The following THSD7A variants were observed in gnomAD, a reference collection of about 807,000 sequenced individuals.
THSD7A encodes the protein thrombospondin type-1 domain-containing protein 7A.
In THSD7A, 96 loss-of-function variants were observed where a neutral mutation model predicts 231.3. The ratio of observed to expected loss-of-function variants is 0.41; its 90% CI spans 0.35 to 0.49. The LOEUF (loss-of-function observed/expected upper bound fraction) is 0.49, where lower values mean the gene tolerates loss of function less well. Ranked by LOEUF, THSD7A falls within the 20% of genes least tolerant of loss-of-function variation. The probability of loss-of-function intolerance (pLI) is 0.05; values close to 1 mark genes in which losing one functional copy is unlikely to be tolerated. For synonymous variants in THSD7A, 940 were observed against 743.3 expected (o/e 1.26, Z -4.30); for missense variants, 2,290 against 2,070.2 (o/e 1.11, Z -2.06).
At chr7:11,499,550 C>T (rs1562659873) in intron 6 of THSD7A, among the ~76,000 whole-genome samples, 3 of 152,042 alleles carry the variant, frequency 2.0e-5, no homozygotes, top group South Asian at 2.1e-4. Flanking sequence ...ATGGCAAACC[C>T]CAATCCAAGG....
rs558970578 is a variant in THSD7A, at chr7:11,555,503, T to C, written c.1454-12386A>G. On this transcript the variant is annotated intron_variant, in intron 4 of 27. Coordinates refer to ENST00000423059, the MANE Select transcript of THSD7A (RefSeq NM_015204.3). ...GATGATGACATGGTCTATTTTGGTA[T>C]ATGTTTCACTTGAAAGAAGGTGAAT... Among the ~76,000 whole-genome samples, 38 of 152,022 alleles carry C rather than the reference T, an allele frequency of 2.5e-4. No individual in the cohort carries two copies. In the South Asian group the frequency reaches 7.9e-3, roughly 32 times the overall value.
At chr7:11,436,502 C>T (rs1784637338) in intron 13 of THSD7A, among the ~76,000 whole-genome samples, 1 of 151,980 alleles carries the variant, frequency 6.6e-6, no homozygotes, top group African/African-American at 2.4e-5. Context: ...TTGGGTAATA[C>T]AAACTATGAC....
chr7:11,429,409 C>T (rs891557197), intron 13 of THSD7A, among the ~76,000 whole-genome samples: 2 of 152,174 alleles, frequency 1.3e-5, no homozygotes, highest in African/African-American at 4.8e-5. Context: ...GTTTAATTGA[C>T]AATAACCTGT....
chr7:11,814,735 T>C lies in THSD7A; in HGVS notation c.190+17022A>G, dbSNP rs1784628470. 6.6e-6 allele frequency among the ~76,000 whole-genome samples: 1 copy of C among 152,186 alleles called. No individual in the cohort carries two copies. Among genetic ancestry groups the C allele is most frequent in the Admixed American group, 6.5e-5 (1 of 15,276 alleles). On this transcript the variant is annotated intron_variant, in intron 1 of 27. Coordinates refer to ENST00000423059, the MANE Select transcript of THSD7A (RefSeq NM_015204.3). This position sits in a 1 kb window ranked among gnomAD's most constrained non-coding sequence, Gnocchi z 5.1. ...GGAGAGAAATGTATCTTAGCAGCAG[T>C]CAAAGCTCTCCTTATGAATTATTTG... is the stretch of plus-strand genomic sequence containing the variant.
chr7:11,457,717 T>G (rs1562624612), intron 11 of THSD7A, among the ~76,000 whole-genome samples: 1 of 152,108 alleles, frequency 6.6e-6, no homozygotes, highest in Non-Finnish European at 1.5e-5. Context: ...GATCACATCT[T>G]CAGAGCTCAA....
chr7:11,532,731 A>G (rs2354953), intron 6 of THSD7A, among the ~76,000 whole-genome samples: 21,977 of 152,172 alleles, frequency 0.14, 3,209 homozygotes, highest in African/African-American at 0.37. Flanking sequence ...AAAAATGTCC[A>G]TTTAATGTTT....
At chr7:11,705,519 C>T (rs948970542) in intron 1 of THSD7A, among the ~76,000 whole-genome samples, 9 of 150,936 alleles carry the variant, frequency 6.0e-5, no homozygotes, top group Non-Finnish European at 1.2e-4. Flanking sequence ...ACTCTCCTTT[C>T]TGTCAGCCTA....
At chr7:11,548,566 A>G (rs1789494781) in intron 4 of THSD7A, among the ~76,000 whole-genome samples, 1 of 152,094 alleles carries the variant, frequency 6.6e-6, no homozygotes, top group African/African-American at 2.4e-5. Context: ...CAAAAAAGAA[A>G]ACTTTAGGCC....
At position 11,566,965 on chromosome 7, in the gene THSD7A, T is replaced by TAGCGGGAGGGGGGGGGGG; in HGVS notation, c.1453+23494_1453+23495insCCCCCCCCCCCTCCCGCT. 3.3e-5 allele frequency among the ~76,000 whole-genome samples: 3 copies of TAGCGGGAGGGGGGGGGGG among 92,304 alleles called. 1 individual carries two copies. The highest frequency in any genetic ancestry group is 1.7e-4 in the African/African-American group (3 of 18,006). 60.6% of individuals were successfully genotyped at this position (92,304 alleles called of 152,430 possible). On this transcript the variant is annotated intron_variant, in intron 4 of 27. Coordinates refer to ENST00000423059, the MANE Select transcript of THSD7A (RefSeq NM_015204.3). ...CAAAGTGGATCCAGCTGTGGGAGAGTGGGGGGGGGACTGACCAACAAAGTT... is the reference window on the plus strand; with the variant it reads ...CAAAGTGGATCCAGCTGTGGGAGAGTAGCGGGAGGGGGGGGGGGGGGGGGGGGACTGACCAACAAAGTT...
At chr7:11,424,956 T>G (rs772502547) in intron 15 of THSD7A, 127 bp from the exon 16 acceptor site, 111 of 1,153,548 alleles carry the variant, frequency 9.6e-5, no homozygotes, top group Non-Finnish European at 1.3e-4. Context: ...CTGCTTATTA[T>G]TCTAACATTG....
At chr7:11,785,081 T>C (rs1028989467) in intron 1 of THSD7A, among the ~76,000 whole-genome samples, 4 of 152,138 alleles carry the variant, frequency 2.6e-5, no homozygotes, top group Non-Finnish European at 4.4e-5. Context: ...CCCAGTCCCA[T>C]AGCATTGTTT....
chr7:11,643,273 TC>T (rs1451794541), intron 1 of THSD7A, among the ~76,000 whole-genome samples: 1 of 152,056 alleles, frequency 6.6e-6, no homozygotes, highest in African/African-American at 2.4e-5. Context: ...AAATTCTGTC[TC>T]TTGAATGCTA....
Position 11,831,914 on chromosome 7 carries a change from C to T in THSD7A, c.33G>A (p.Gly11=). Reference sequence around the variant, plus strand: ...GGCGCGGCCCCGCAGCGCCCCGGCTCCCGGACGCCCAGCGCCTGGCTTGCA... The same window carrying T: ...GGCGCGGCCCCGCAGCGCCCCGGCTTCCGGACGCCCAGCGCCTGGCTTGCA... MGLQARRWAS[G]SRGAAGPRRG... Residue 11 remains glycine, a synonymous_variant, in exon 1 of 28, where the codon GGG becomes GGA. Coordinates refer to ENST00000423059, the MANE Select transcript of THSD7A (RefSeq NM_015204.3). This position sits in a 1 kb window ranked among gnomAD's most constrained non-coding sequence, Gnocchi z 5.0. 1 of 1,236,790 alleles carries T rather than the reference C, an allele frequency of 8.1e-7. No individual in the cohort carries two copies. Among genetic ancestry groups the T allele is most frequent in the Non-Finnish European group, 1.0e-6 (1 of 993,454 alleles). 76.6% of individuals were successfully genotyped at this position (1,236,790 alleles called of 1,614,324 possible). A position where few individuals can be genotyped will look rare whatever the true frequency, so the allele number is the denominator to read the frequency against.
intron 23 of THSD7A, among the ~76,000 whole-genome samples, chr7:11,388,936 T>C (rs528484251): frequency 2.7e-4 from 41 of 152,338 alleles, no homozygotes; most frequent in African/African-American, 9.6e-4. Flanking sequence ...TTCTTAATCC[T>C]GAGTTCTAAT....
In THSD7A at chr7:11,694,837, CA is replaced by C. The variant is rs1201525873; in HGVS notation, c.191-57877del. On this transcript the variant is annotated intron_variant, in intron 1 of 27. Transcript: ENST00000423059. ...AATATAAATTCATTTATATGTCTAT[CA>C]AGAGAGCAGGAGTTCAAAATATAAT... Among the ~76,000 whole-genome samples the C allele has an allele frequency of 4.0e-5, 6 of 151,588 alleles. 1 individual carries two copies. The East Asian group carries it at 1.2e-3, about 30-fold the overall frequency.
chr7:11,616,187 A>T (rs1402843611), intron 2 of THSD7A, among the ~76,000 whole-genome samples: 1 of 152,070 alleles, frequency 6.6e-6, no homozygotes, highest in African/African-American at 2.4e-5. Context: ...GTGTAGGCAA[A>T]TTTTCAACAT....
At chr7:11,654,321 C>T (rs1332275531) in intron 1 of THSD7A, among the ~76,000 whole-genome samples, 13 of 151,884 alleles carry the variant, frequency 8.6e-5, no homozygotes, top group Non-Finnish European at 1.8e-4. Context: ...TTGAGTATTT[C>T]TAATTCTGAT....
At chr7:11,550,525 G>C (rs38) in intron 4 of THSD7A, among the ~76,000 whole-genome samples, 34,353 of 152,032 alleles carry the variant, frequency 0.23, 4,436 homozygotes, top group Admixed American at 0.41. Context: ...ACAATATCTG[G>C]TGGTTTCGAA....
chr7:11,566,968 G>GAT (rs1269480989), intron 4 of THSD7A, among the ~76,000 whole-genome samples: 2 of 55,970 alleles, frequency 3.6e-5, no homozygotes, highest in Non-Finnish European at 6.5e-5. Context: ...GGGAGAGTGG[G>GAT]GGGGGGACTG....
Sources: allele counts gnomAD v4.1 joint callset (sites outside exome capture counted in the v4.1 genomes callset), GRCh38; gene constraint gnomAD v4.1.1; non-coding constraint Gnocchi (gnomAD v3.1); transcripts MANE v1.5; gene names NCBI Gene and HGNC (gene_info 2026-07-23, HGNC 2026-07-21).